PPP1R14C: variants seen among roughly 807,000 people sequenced by gnomAD.
PPP1R14C encodes protein phosphatase 1 regulatory subunit 14C.
Under a neutral mutation model 20.4 loss-of-function variants are expected in PPP1R14C, and 16 were observed. The ratio of observed to expected loss-of-function variants is 0.78; its 90% CI spans 0.53 to 1.19. PPP1R14C has a LOEUF of 1.19. Among genes scored for constraint, PPP1R14C ranks in the 50% most tolerant of loss-of-function variants. PPP1R14C has a pLI of 0.00. For synonymous variants in PPP1R14C, 91 were observed against 91.0 expected, an observed-to-expected ratio of 1.00 and a Z score of 0.00; for missense variants, 211 against 220.1, an observed-to-expected ratio of 0.96 and a Z score of 0.26.
At chr6:150,198,337 GC>G (rs1562267124) in intron 1 of PPP1R14C, among the ~76,000 whole-genome samples, 1 of 150,512 alleles carries the variant, frequency 6.6e-6, no homozygotes, top group Non-Finnish European at 1.5e-5. Context: ...GGCTTTGTGT[GC>G]CCCTGGCCGC....
At chr6:150,192,973 T>A (rs931302094) in intron 1 of PPP1R14C, among the ~76,000 whole-genome samples, 2 of 152,194 alleles carry the variant, frequency 1.3e-5, no homozygotes, top group African/African-American at 2.4e-5. Flanking sequence ...TTGGCTGACC[T>A]TTTAGTGGGA....
intron 1 of PPP1R14C, among the ~76,000 whole-genome samples, chr6:150,175,475 A>G (rs1345439864): frequency 6.6e-6 from 1 of 152,200 alleles, no homozygotes; most frequent in African/African-American, 2.4e-5. Context: ...ATCTGTTAAT[A>G]TTGTGAGTCC....
At chr6:150,196,467 G>GA (rs963403264) in intron 1 of PPP1R14C, among the ~76,000 whole-genome samples, 1 of 140,016 alleles carries the variant, frequency 7.1e-6, no homozygotes, top group Non-Finnish European at 1.5e-5. Context: ...TTTTTTTTTT[G>GA]AATCTCTAAG....
At chr6:150,216,699 A>G in intron 2 of PPP1R14C, 125 bp from the exon 3 acceptor site, 1 of 687,048 alleles carries the variant, frequency 1.5e-6, no homozygotes. Context: ...GTTTCTAGAT[A>G]GTATGAAATC....
At chr6:150,209,356 A>G (rs1172805830) in intron 1 of PPP1R14C, among the ~76,000 whole-genome samples, 1 of 152,214 alleles carries the variant, frequency 6.6e-6, no homozygotes, top group Non-Finnish European at 1.5e-5. Context: ...TTTAAAAGCT[A>G]ATGTGACATC....
chr6:150,182,812 G>A (rs981550131), intron 1 of PPP1R14C, among the ~76,000 whole-genome samples: 1 of 152,158 alleles, frequency 6.6e-6, no homozygotes, highest in African/African-American at 2.4e-5. Flanking sequence ...TTGTTGATGT[G>A]TGAACATCAT....
chr6:150,167,940 T>TCCTCC (rs1777442066), intron 1 of PPP1R14C, among the ~76,000 whole-genome samples: 6 of 1,104 alleles, frequency 5.4e-3, no homozygotes, highest in Non-Finnish European at 7.5e-3. Context: ...TCTCCATGTC[T>TCCTCC]CCGTTCTCCC....
At chr6:150,219,750 C>A (rs1292158039) in intron 3 of PPP1R14C, among the ~76,000 whole-genome samples, 1 of 152,054 alleles carries the variant, frequency 6.6e-6, no homozygotes, top group Non-Finnish European at 1.5e-5. Context: ...CTGAATCTTA[C>A]CTTTTTCTGC....
At chr6:150,238,788 A>G (rs1049558769) in intron 3 of PPP1R14C, among the ~76,000 whole-genome samples, 2 of 152,260 alleles carry the variant, frequency 1.3e-5, no homozygotes, top group East Asian at 1.9e-4. Flanking sequence ...GTTGGCATCA[A>G]GAAGCCTGGA....
At chr6:150,191,950 C>G (rs1161957268) in intron 1 of PPP1R14C, among the ~76,000 whole-genome samples, 1 of 151,840 alleles carries the variant, frequency 6.6e-6, no homozygotes, top group Admixed American at 6.6e-5. Context: ...GTTCCAGGTA[C>G]AGATTACTGT....
At chr6:150,196,097 A>G (rs1777801012) in intron 1 of PPP1R14C, 1 of 985,314 alleles carries the variant, frequency 1.0e-6, no homozygotes, top group Non-Finnish European at 1.2e-6. Context: ...CTTTCTATAA[A>G]TAGGAGCATC....
At chr6:150,218,287 T>C (rs1018047462) in intron 3 of PPP1R14C, among the ~76,000 whole-genome samples, 76 of 151,808 alleles carry the variant, frequency 5.0e-4, no homozygotes, top group Admixed American at 1.9e-3. Context: ...CCTGTAGTCC[T>C]AGCTACTCGG....
intron 1 of PPP1R14C, among the ~76,000 whole-genome samples, chr6:150,186,148 G>A (rs1433692761): frequency 1.3e-5 from 2 of 152,122 alleles, no homozygotes; most frequent in Non-Finnish European, 2.9e-5. Context: ...AAAAAGGAAT[G>A]CCCCTTGCCA....
rs530137406 is a variant in PPP1R14C, at chr6:150,245,119, C to T, written c.424-3627C>T. 5.3e-4 allele frequency among the ~76,000 whole-genome samples: 80 copies of T among 152,238 alleles called. 3 individuals carry two copies. In the South Asian group the frequency reaches 0.011, roughly 22 times the overall value. ...CTTAATTTTCTGCTTTCCTGTTCCC[C>T]CTCCCCGCCACACCCTACTCCCACA... On this transcript the variant is annotated intron_variant, in intron 3 of 3. Transcript: ENST00000361131.
chr6:150,221,120 T>C (rs937429765), intron 3 of PPP1R14C, among the ~76,000 whole-genome samples: 1 of 152,342 alleles, frequency 6.6e-6, no homozygotes, highest in Non-Finnish European at 1.5e-5. Context: ...TTTGAGCATA[T>C]GATCACAGGA....
chr6:150,212,553 G>A (rs1046307576), intron 1 of PPP1R14C, among the ~76,000 whole-genome samples: 8 of 152,172 alleles, frequency 5.3e-5, no homozygotes, highest in African/African-American at 1.7e-4. Flanking sequence ...GCTGTTCTGC[G>A]GAGGGCATTA....
chr6:150,235,271 G>A (rs755419887), intron 3 of PPP1R14C, among the ~76,000 whole-genome samples: 5 of 152,124 alleles, frequency 3.3e-5, no homozygotes, highest in Non-Finnish European at 7.4e-5. Flanking sequence ...TAAATTTTTT[G>A]TAGAGATGGG....
intron 1 of PPP1R14C, among the ~76,000 whole-genome samples, chr6:150,165,278 T>C (rs2114863158): frequency 6.6e-6 from 1 of 152,378 alleles, no homozygotes; most frequent in Non-Finnish European, 1.5e-5. Context: ...ATCAGCTGGT[T>C]GGTGGACAGG....
intron 1 of PPP1R14C, among the ~76,000 whole-genome samples, chr6:150,159,648 A>G (rs1777343359): frequency 6.8e-6 from 1 of 147,206 alleles, no homozygotes; most frequent in Non-Finnish European, 1.5e-5. Flanking sequence ...AATAAGCTTT[A>G]TGTTTTAGAT....
Sources: gnomAD v4.1 joint callset for allele counts (sites outside exome capture counted in the v4.1 genomes callset) on GRCh38, gnomAD v4.1.1 for gene constraint, MANE v1.5 for transcripts, NCBI Gene and HGNC (gene_info 2026-07-23, HGNC 2026-07-21) for gene names.